Variants in NPLOC4 observed in about 807,000 individuals in gnomAD.
NPLOC4 encodes the protein nuclear protein localization protein 4 homolog.
In NPLOC4, 18 loss-of-function variants were observed where a neutral mutation model predicts 80.6. The observed-to-expected ratio is 0.22, with a 90% CI of 0.15 to 0.33. The LOEUF (loss-of-function observed/expected upper bound fraction) is 0.33. Ranked by LOEUF, NPLOC4 falls within the 10% of genes least tolerant of loss-of-function variation. The probability of loss-of-function intolerance (pLI) is 1.00; values close to 1 mark genes in which losing one functional copy is unlikely to be tolerated. For synonymous variants in NPLOC4, 313 were observed against 301.5 expected (o/e 1.04, Z -0.39); for missense variants, 540 against 786.1 (o/e 0.69, Z 3.74).
At chr17:81,615,601 G>C (rs1469968972) in intron 3 of NPLOC4, among the ~76,000 whole-genome samples, 1 of 152,234 alleles carries the variant, frequency 6.6e-6, no homozygotes, top group Non-Finnish European at 1.5e-5. Context: ...AGAACTCAGA[G>C]CTGCTTGTGG....
intron 9 of NPLOC4, among the ~76,000 whole-genome samples, chr17:81,599,818 T>C (rs779739880): frequency 6.6e-6 from 1 of 152,226 alleles, no homozygotes; most frequent in African/African-American, 2.4e-5. Context: ...GGAAGAATTG[T>C]AGGCTCAGAG....
intron 8 of NPLOC4, among the ~76,000 whole-genome samples, chr17:81,601,906 A>G (rs2035065242): frequency 6.6e-6 from 1 of 152,208 alleles, no homozygotes; most frequent in Admixed American, 6.5e-5. Context: ...GACTCTGATC[A>G]GCAAACTCTG....
chr17:81,620,304 T>A lies in NPLOC4; in HGVS notation c.209+1862A>T, dbSNP rs566185878. On this transcript the variant is annotated intron_variant, in intron 3 of 16. Transcript: ENST00000331134. Reference sequence around the variant, plus strand: ...CGAGGTCAGGAATTCGAGACCAGCTTGGCCAACTTAGTGAAACCCCACCTC... The same window carrying A: ...CGAGGTCAGGAATTCGAGACCAGCTAGGCCAACTTAGTGAAACCCCACCTC... Among the ~76,000 whole-genome samples the A allele has an allele frequency of 2.6e-5, 4 of 152,192 alleles. No homozygotes were observed. The South Asian group carries it at 6.2e-4, about 24-fold the overall frequency.
chr17:81,626,222 AG>A (rs1598688639), intron 2 of NPLOC4, among the ~76,000 whole-genome samples: 2 of 151,928 alleles, frequency 1.3e-5, no homozygotes, highest in East Asian at 3.9e-4. Flanking sequence ...AGGCTGAGCC[AG>A]GAAAACCGCT....
At chr17:81,618,543 AGT>A (rs879267103) in intron 3 of NPLOC4, among the ~76,000 whole-genome samples, 40,118 of 144,210 alleles carry the variant, frequency 0.28, 7,275 homozygotes, top group East Asian at 0.67. Flanking sequence ...GTGAGGGGTC[AGT>A]GCCCCCGCCC....
chr17:81,580,680 C>T lies in NPLOC4; in HGVS notation c.1281+8264G>A, dbSNP rs2034413963. On this transcript the variant is annotated intron_variant, in intron 12 of 16. Transcript: ENST00000331134. The surrounding 1 kb of genome is among the most constrained non-coding windows in gnomAD (Gnocchi z 4.4). Reference sequence around the variant, plus strand: ...CACCAGGGCACTCCAAGCTTCTCTACCCGTTCCGCTGGGGTGGCCCACCTC... The same window carrying T: ...CACCAGGGCACTCCAAGCTTCTCTATCCGTTCCGCTGGGGTGGCCCACCTC... Among the ~76,000 whole-genome samples, 1 of 152,224 alleles carries T rather than the reference C, an allele frequency of 6.6e-6. No homozygotes were observed. Among genetic ancestry groups the T allele is most frequent in the Admixed American group, 6.5e-5 (1 of 15,282 alleles).
chr17:81,633,929 C>T (rs557168814), intron 1 of NPLOC4, among the ~76,000 whole-genome samples: 1 of 150,988 alleles, frequency 6.6e-6, no homozygotes, highest in Non-Finnish European at 1.5e-5. Flanking sequence ...TGCAGTGGTG[C>T]GATCTCGGCT....
chr17:81,631,861 G>A (rs62074739), intron 1 of NPLOC4, among the ~76,000 whole-genome samples: 10 of 151,730 alleles, frequency 6.6e-5, no homozygotes, highest in African/African-American at 2.2e-4. Flanking sequence ...GTACAATGGC[G>A]CAATCTTGGC....
At chr17:81,597,365 G>T in intron 9 of NPLOC4, 49 bp from the exon 10 acceptor site, 1 of 1,443,980 alleles carries the variant, frequency 6.9e-7, no homozygotes, top group Non-Finnish European at 9.8e-7. Context: ...GATAGACGAT[G>T]AATGGCTGGG....
chr17:81,618,879 G>A (rs546941956), intron 3 of NPLOC4, among the ~76,000 whole-genome samples: 61 of 152,276 alleles, frequency 4.0e-4, no homozygotes, highest in African/African-American at 1.2e-3. Context: ...CTTCTGCCTT[G>A]GGATCCTGTT....
Position 81,573,936 on chromosome 17 carries a change from C to T in NPLOC4, c.1282-1848G>A, listed in dbSNP as rs189239900. Reference sequence around the variant, plus strand: ...GGTCGTGTGTCCTCCTTCCACGTGACGAGTGGCTGCCAGTCAGGATGGGCT... The same window carrying T: ...GGTCGTGTGTCCTCCTTCCACGTGATGAGTGGCTGCCAGTCAGGATGGGCT... On this transcript the variant is annotated intron_variant, in intron 12 of 16. Transcript: ENST00000331134. Among the ~76,000 whole-genome samples, 10 of 152,328 alleles carry T rather than the reference C, an allele frequency of 6.6e-5. No individual in the cohort carries two copies. In the East Asian group the frequency reaches 1.5e-3, roughly 24 times the overall value.
At chr17:81,635,381 C>T (rs1014488446) in intron 1 of NPLOC4, among the ~76,000 whole-genome samples, 1 of 131,234 alleles carries the variant, frequency 7.6e-6, no homozygotes, top group African/African-American at 3.1e-5. Flanking sequence ...AAAAAGGAGT[C>T]GACGTTTCCT....
At chr17:81,617,621 A>G (rs1032952948) in intron 3 of NPLOC4, among the ~76,000 whole-genome samples, 1 of 152,108 alleles carries the variant, frequency 6.6e-6, no homozygotes, top group African/African-American at 2.4e-5. Context: ...CATCCTGGCT[A>G]ACACGGTGAG....
intron 12 of NPLOC4, among the ~76,000 whole-genome samples, chr17:81,576,155 C>A (rs1006385623): frequency 6.6e-6 from 1 of 152,162 alleles, no homozygotes; most frequent in African/African-American, 2.4e-5. Context: ...GTCAACCAGG[C>A]AAACATCTAG....
chr17:81,608,615 T>C (rs1307985252), intron 6 of NPLOC4, 113 bp downstream of exon 6: 1 of 720,108 alleles, frequency 1.4e-6, no homozygotes, highest in African/African-American at 1.8e-5. Flanking sequence ...CAAAGGCGTG[T>C]GACCCCTTCT....
chr17:81,626,416 G>A (rs989354148), intron 2 of NPLOC4, among the ~76,000 whole-genome samples: 3 of 152,078 alleles, frequency 2.0e-5, no homozygotes, highest in Non-Finnish European at 4.4e-5. Context: ...GCAACTCCAG[G>A]AAGTTCAGCA....
In NPLOC4 at chr17:81,577,702, A is replaced by G. The variant is rs1395496551; in HGVS notation, c.1282-5614T>C. The stretch of plus-strand genomic sequence containing the variant: ...ACTCTGCGTGCTGGCACCTGGACTC[A>G]CCATCCTCCCACACAGACCCATGGC... On this transcript the variant is annotated intron_variant, in intron 12 of 16. Coordinates refer to ENST00000331134, the MANE Select transcript of NPLOC4 (RefSeq NM_017921.4). This position sits in a 1 kb window ranked among gnomAD's most constrained non-coding sequence, Gnocchi z 4.3. Among the ~76,000 whole-genome samples, 1 of 152,146 alleles carries G rather than the reference A, an allele frequency of 6.6e-6. No homozygotes were observed. The highest frequency in any genetic ancestry group is 1.5e-5 in the Non-Finnish European group (1 of 68,024).
At chr17:81,564,742 C>T (rs2033957158) in intron 16 of NPLOC4, 1 of 149,116 alleles carries the variant, frequency 6.7e-6, no homozygotes, top group African/African-American at 2.5e-5. Context: ...GAGGCAAGAT[C>T]ACGCCACCAC....
chr17:81,595,427 CAAAAAAA>C (rs35337296), intron 11 of NPLOC4, among the ~76,000 whole-genome samples: 3 of 72,018 alleles, frequency 4.2e-5, no homozygotes, highest in African/African-American at 1.4e-4. Context: ...GTAAGACTGT[CAAAAAAA>C]AAAAAAAAAC....
Sources: gnomAD v4.1 joint callset for allele counts (sites outside exome capture counted in the v4.1 genomes callset) on GRCh38, gnomAD v4.1.1 for gene constraint, Gnocchi (gnomAD v3.1) non-coding constraint, MANE v1.5 for transcripts, NCBI Gene and HGNC (gene_info 2026-07-23, HGNC 2026-07-21) for gene names.